The following NSMCE2 variants were observed in gnomAD, a reference collection of about 807,000 sequenced individuals.
NSMCE2 encodes the protein E3 SUMO-protein ligase NSE2.
Under a neutral mutation model 23.8 loss-of-function variants are expected in NSMCE2, and 24 were observed. The ratio of observed to expected loss-of-function variants is 1.01; its 90% CI spans 0.73 to 1.42. The LOEUF (loss-of-function observed/expected upper bound fraction) is 1.42. Ranked by LOEUF, NSMCE2 falls within the 40% of genes most tolerant of loss-of-function variation. The probability of loss-of-function intolerance (pLI) is 0.00; values close to 1 mark genes in which losing one functional copy is unlikely to be tolerated. For synonymous variants in NSMCE2, 92 were observed against 94.1 expected (o/e 0.98, Z 0.13); for missense variants, 284 against 296.5 (o/e 0.96, Z 0.31).
At chr8:125,107,272 C>T (rs967215619) in intron 3 of NSMCE2, among the ~76,000 whole-genome samples, 22 of 150,786 alleles carry the variant, frequency 1.5e-4, no homozygotes, top group Admixed American at 7.3e-4. Context: ...CTGCAACCTC[C>T]GCCTCTTGGG....
At position 125,256,743 on chromosome 8, in the gene NSMCE2, G is replaced by A. The variant is rs563544159; in HGVS notation, c.418+74487G>A. On this transcript the variant is annotated intron_variant, in intron 5 of 7. Coordinates refer to ENST00000287437, the MANE Select transcript of NSMCE2 (RefSeq NM_173685.4). ...GATCGGGACCATCCTGGCTAACATG[G>A]TGAAACCCTGTCTCTATTAAAAATA... is the stretch of plus-strand genomic sequence containing the variant. Among the ~76,000 whole-genome samples the A allele has an allele frequency of 5.9e-5, 9 of 151,732 alleles. No individual in the cohort carries two copies. The East Asian group carries it at 1.4e-3, about 23-fold the overall frequency.
chr8:125,287,663 G>C (rs1363137746), intron 5 of NSMCE2, among the ~76,000 whole-genome samples: 1 of 152,124 alleles, frequency 6.6e-6, no homozygotes, highest in Non-Finnish European at 1.5e-5. Flanking sequence ...ACAGACAGAG[G>C]AGAGAGAGAT....
At chr8:125,334,453 C>G (rs527522445) in intron 5 of NSMCE2, among the ~76,000 whole-genome samples, 10 of 152,278 alleles carry the variant, frequency 6.6e-5, no homozygotes, top group African/African-American at 2.4e-4. Context: ...CTAGAAGGAG[C>G]ATGGGGACAC....
chr8:125,363,116 A>G (rs1813626234), intron 7 of NSMCE2: 1 of 152,172 alleles, frequency 6.6e-6, no homozygotes, highest in South Asian at 2.1e-4. Context: ...TTGCATTTCA[A>G]TGTCATGGAA....
chr8:125,334,427 G>A (rs539206898), intron 5 of NSMCE2, among the ~76,000 whole-genome samples: 4 of 152,152 alleles, frequency 2.6e-5, no homozygotes, highest in East Asian at 1.9e-4. Flanking sequence ...ATCCATGAAC[G>A]TTGAATTCAG....
intron 5 of NSMCE2, among the ~76,000 whole-genome samples, chr8:125,263,178 AG>A: frequency 6.6e-6 from 1 of 152,240 alleles, no homozygotes; most frequent in East Asian, 1.9e-4. Context: ...GAGATAAGGT[AG>A]GAGATGGCAT....
At chr8:125,301,919 C>T (rs930051997) in intron 5 of NSMCE2, among the ~76,000 whole-genome samples, 5 of 152,070 alleles carry the variant, frequency 3.3e-5, no homozygotes, top group African/African-American at 9.7e-5. Flanking sequence ...CAGCCTTAGC[C>T]TTCCAAATGC....
At chr8:125,139,649 A>G (rs1051981761) in intron 3 of NSMCE2, among the ~76,000 whole-genome samples, 2 of 152,206 alleles carry the variant, frequency 1.3e-5, no homozygotes, top group African/African-American at 4.8e-5. Context: ...AGAACAGCAC[A>G]GGAAAGACCT....
intron 5 of NSMCE2, among the ~76,000 whole-genome samples, chr8:125,246,374 G>A (rs1825962275): frequency 6.6e-6 from 1 of 151,894 alleles, no homozygotes; most frequent in Admixed American, 6.6e-5. Context: ...AGTAGAGACA[G>A]GGTTTCACCA....
chr8:125,293,666 A>ATT (rs1332584417), intron 5 of NSMCE2, among the ~76,000 whole-genome samples: 3,348 of 142,030 alleles, frequency 0.024, 70 homozygotes, highest in South Asian at 0.077. Context: ...TTTGAAGACC[A>ATT]TCCTGTAGGT....
intron 5 of NSMCE2, among the ~76,000 whole-genome samples, chr8:125,256,722 G>C (rs1171331187): frequency 6.6e-6 from 1 of 151,440 alleles, no homozygotes; most frequent in Non-Finnish European, 1.5e-5. Flanking sequence ...TCAGGAGATC[G>C]GGACCATCCT....
intron 4 of NSMCE2, among the ~76,000 whole-genome samples, chr8:125,177,047 T>C (rs1251797518): frequency 6.6e-6 from 1 of 152,280 alleles, no homozygotes; most frequent in Non-Finnish European, 1.5e-5. Context: ...TTTTCTCAAA[T>C]GAAATTTGTT....
At chr8:125,217,505 C>T (rs947889153) in intron 5 of NSMCE2, among the ~76,000 whole-genome samples, 1 of 152,066 alleles carries the variant, frequency 6.6e-6, no homozygotes, top group Non-Finnish European at 1.5e-5. Flanking sequence ...GGACTACGGG[C>T]ACCTACCGCC....
intron 5 of NSMCE2, among the ~76,000 whole-genome samples, chr8:125,321,260 A>G (rs1429569985): frequency 6.6e-6 from 1 of 152,096 alleles, no homozygotes; most frequent in Non-Finnish European, 1.5e-5. Flanking sequence ...TACACACAGG[A>G]TTTTTTTTCT....
chr8:125,298,860 C>T (rs1181916180), intron 5 of NSMCE2, among the ~76,000 whole-genome samples: 1 of 152,000 alleles, frequency 6.6e-6, no homozygotes, highest in Non-Finnish European at 1.5e-5. Context: ...AACTGCAAAA[C>T]TCAGGACAGT....
chr8:125,254,201 CTG>C (rs1255186840), intron 5 of NSMCE2, among the ~76,000 whole-genome samples: 2 of 152,124 alleles, frequency 1.3e-5, no homozygotes, highest in African/African-American at 2.4e-5. Flanking sequence ...TTGAAACACT[CTG>C]TGTTTCAGTC....
intron 3 of NSMCE2, among the ~76,000 whole-genome samples, chr8:125,133,697 T>C: frequency 6.6e-6 from 1 of 150,660 alleles, no homozygotes; most frequent in East Asian, 1.9e-4. Context: ...TGAGCCGAGA[T>C]CACGACTGGG....
intron 3 of NSMCE2, among the ~76,000 whole-genome samples, chr8:125,123,012 G>C (rs1292854647): frequency 1.3e-5 from 2 of 152,076 alleles, no homozygotes; most frequent in Non-Finnish European, 2.9e-5. Flanking sequence ...TGATAGTTTT[G>C]TCTCATGTCT....
intron 5 of NSMCE2, among the ~76,000 whole-genome samples, chr8:125,284,959 A>G (rs1014034928): frequency 6.6e-6 from 1 of 152,192 alleles, no homozygotes; most frequent in Non-Finnish European, 1.5e-5. Context: ...GAAAATCTAC[A>G]TTTTAGTGAG....
Sources: allele counts gnomAD v4.1 joint callset (sites outside exome capture counted in the v4.1 genomes callset), GRCh38; gene constraint gnomAD v4.1.1; transcripts MANE v1.5; gene names NCBI Gene and HGNC (gene_info 2026-07-23, HGNC 2026-07-21).